The following WWOX variants were observed in gnomAD, a reference collection of about 807,000 sequenced individuals.
WWOX encodes the protein WW domain containing oxidoreductase.
WWOX carries 69 observed loss-of-function variants against 46.2 expected under a neutral mutation model. The ratio of observed to expected loss-of-function variants is 1.49; its 90% CI spans 1.23 to 1.82. The LOEUF (loss-of-function observed/expected upper bound fraction) is 1.82. Among genes scored for constraint, WWOX ranks in the 40% most tolerant of loss-of-function variants. WWOX has a pLI of 0.00. For missense variants in WWOX, 919 were observed against 542.6 expected (o/e 1.69, Z -6.89); for synonymous variants, 359 against 202.6 (o/e 1.77, Z -6.56).
At chr16:78,932,273 C>G (rs1331483150) in intron 8 of WWOX, among the ~76,000 whole-genome samples, 1 of 152,184 alleles carries the variant, frequency 6.6e-6, no homozygotes, top group East Asian at 1.9e-4. Flanking sequence ...GTATCTGGTC[C>G]TGTCCGCAAA....
At chr16:78,616,385 G>C (rs115340520) in intron 8 of WWOX, among the ~76,000 whole-genome samples, 2,558 of 152,226 alleles carry the variant, frequency 0.017, 69 homozygotes, top group African/African-American at 0.058. Flanking sequence ...TCAGTGTCCG[G>C]TGAGGATTTG....
intron 8 of WWOX, among the ~76,000 whole-genome samples, chr16:78,469,704 C>G (rs949017716): frequency 3.9e-5 from 6 of 152,162 alleles, no homozygotes; most frequent in Non-Finnish European, 5.9e-5. Flanking sequence ...GACAACCAGG[C>G]TGGGCCATGG....
At chr16:78,945,812 T>A (rs529568919) in intron 8 of WWOX, among the ~76,000 whole-genome samples, 1 of 152,324 alleles carries the variant, frequency 6.6e-6, no homozygotes, top group East Asian at 1.9e-4. Context: ...AAGCTGTCTT[T>A]AGTTCGTATG....
intron 8 of WWOX, among the ~76,000 whole-genome samples, chr16:79,077,171 C>G (rs2048673696): frequency 2.0e-5 from 3 of 152,216 alleles, no homozygotes; most frequent in East Asian, 1.9e-4. Context: ...CTCTAAAGTA[C>G]TTGACCCTGG....
intron 8 of WWOX, among the ~76,000 whole-genome samples, chr16:79,025,720 T>C (rs1205388165): frequency 1.3e-5 from 2 of 152,178 alleles, no homozygotes; most frequent in African/African-American, 4.8e-5. Context: ...TACCCTTTAA[T>C]GATTTTCTCC....
At chr16:78,766,758 G>A (rs920509938) in intron 8 of WWOX, among the ~76,000 whole-genome samples, 1 of 152,144 alleles carries the variant, frequency 6.6e-6, no homozygotes. Context: ...TTAATGTTCA[G>A]GTTTTGTGAC....
intron 8 of WWOX, among the ~76,000 whole-genome samples, chr16:78,785,935 C>T (rs548628230): frequency 1.3e-5 from 2 of 152,200 alleles, no homozygotes; most frequent in East Asian, 3.9e-4. Context: ...GAGATGGAGT[C>T]TCATTCTGTC....
At chr16:78,796,907 A>G (rs8043868) in intron 8 of WWOX, among the ~76,000 whole-genome samples, 77,931 of 150,906 alleles carry the variant, frequency 0.52, 20,232 homozygotes, top group African/African-American at 0.53. Context: ...CTCACTGCAA[A>G]TTCTGCCTGC....
intron 5 of WWOX, chr16:78,237,753 T>C (rs1215543966): frequency 1.3e-5 from 2 of 152,238 alleles, no homozygotes; most frequent in Non-Finnish European, 2.9e-5. Flanking sequence ...CTGATTTCAG[T>C]GTCATAAAGT....
At chr16:78,893,345 C>G (rs904863775) in intron 8 of WWOX, among the ~76,000 whole-genome samples, 1 of 152,154 alleles carries the variant, frequency 6.6e-6, no homozygotes, top group Non-Finnish European at 1.5e-5. Flanking sequence ...TCCCCTCTCA[C>G]ATGGTTTGAA....
At chr16:78,708,324 A>C (rs1470615994) in intron 8 of WWOX, among the ~76,000 whole-genome samples, 1 of 152,206 alleles carries the variant, frequency 6.6e-6, no homozygotes, top group African/African-American at 2.4e-5. Flanking sequence ...TATACTTCTA[A>C]GAAATGATTT....
chr16:78,652,540 C>G (rs2046990641), intron 8 of WWOX, among the ~76,000 whole-genome samples: 1 of 152,140 alleles, frequency 6.6e-6, no homozygotes, highest in Non-Finnish European at 1.5e-5. Context: ...GACCCCTCAG[C>G]AGTTGACTCA....
At chr16:78,439,516 G>T (rs956815049) in intron 8 of WWOX, among the ~76,000 whole-genome samples, 1 of 152,180 alleles carries the variant, frequency 6.6e-6, no homozygotes, top group Non-Finnish European at 1.5e-5. Context: ...TAAGTTTACA[G>T]TGCTTGCTTA....
At position 78,356,615 on chromosome 16, in the gene WWOX, G is replaced by A. The variant is rs559315352; in HGVS notation, c.517-30245G>A. Reference sequence around the variant, plus strand: ...ACAAAAGTTCCGGCTGGGCACGGTGGCTCACGCCTGTAATCCAAGCACTTT... The same window carrying A: ...ACAAAAGTTCCGGCTGGGCACGGTGACTCACGCCTGTAATCCAAGCACTTT... On this transcript the variant is annotated intron_variant, in intron 5 of 8. Transcript: ENST00000566780. Among the ~76,000 whole-genome samples, 219 of 152,300 alleles carry A rather than the reference G, an allele frequency of 1.4e-3. 1 individual carries two copies. Among genetic ancestry groups the A allele is most frequent in the Middle Eastern group, 0.014 (4 of 294 alleles).
rs749223740 is a variant in WWOX at position 79,211,742 on chromosome 16, G to A, written c.1191G>A (p.Leu397=). The change falls in exon 9 of 9, where the codon CTG becomes CTA. Residue 397 remains leucine (L), a synonymous_variant. Transcript: ENST00000566780. ...AGAGCGAAGAGACGGCCCGGACCCT[G>A]TGGGCGCTCAGCGAGAGGCTGATCC... is the stretch of plus-strand genomic sequence containing the variant. ...EAQSEETART[L]WALSERLIQE... The A allele has an allele frequency of 1.2e-6, 2 of 1,614,096 alleles. No individual in the cohort carries two copies. The highest frequency in any genetic ancestry group is 2.7e-5 in the African/African-American group (2 of 74,950).
intron 8 of WWOX, among the ~76,000 whole-genome samples, chr16:78,655,358 G>C (rs1299692406): frequency 6.6e-6 from 1 of 152,078 alleles, no homozygotes; most frequent in African/African-American, 2.4e-5. Flanking sequence ...TAATAACGTT[G>C]GCTTGATCTC....
intron 8 of WWOX, among the ~76,000 whole-genome samples, chr16:78,518,748 G>C (rs2043289701): frequency 6.6e-6 from 1 of 152,216 alleles, no homozygotes. Flanking sequence ...AATGGCACCA[G>C]AACAAGGCCA....
At chr16:78,127,562 A>G (rs2033414208) in intron 4 of WWOX, among the ~76,000 whole-genome samples, 1 of 151,442 alleles carries the variant, frequency 6.6e-6, no homozygotes, top group Non-Finnish European at 1.5e-5. Context: ...GTTACAGTCA[A>G]GGAACAAAAA....
intron 8 of WWOX, among the ~76,000 whole-genome samples, chr16:79,190,244 C>T (rs1478381994): frequency 2.0e-5 from 3 of 152,034 alleles, no homozygotes; most frequent in Non-Finnish European, 2.9e-5. Flanking sequence ...AGGCTGGTCT[C>T]GAACTCCTGA....
Sources: allele counts gnomAD v4.1 joint callset (sites outside exome capture counted in the v4.1 genomes callset), GRCh38; gene constraint gnomAD v4.1.1; transcripts MANE v1.5; gene names NCBI Gene and HGNC (gene_info 2026-07-23, HGNC 2026-07-21).